The following N4BP1 variants were observed in gnomAD, a reference collection of about 807,000 sequenced individuals.
The protein encoded by N4BP1 is NEDD4 binding protein 1, also known as NEDD4-binding protein 1.
In N4BP1, 21 loss-of-function variants were observed where a neutral mutation model predicts 70.9. The ratio of observed to expected loss-of-function variants is 0.30; its 90% confidence interval spans 0.21 to 0.43. The LOEUF is 0.43. Ranked by LOEUF, N4BP1 falls within the 20% of genes least tolerant of loss-of-function variation. The pLI is 1.00. For synonymous variants in N4BP1, 387 were observed against 394.6 expected (o/e 0.98, Z 0.23); for missense variants, 936 against 1,069.4 (o/e 0.88, Z 1.74).
At chr16:48,594,001 C>CAAAAAAAAAAAAAAAAAAA (rs750355255) in intron 1 of N4BP1, among the ~76,000 whole-genome samples, 6 of 42,526 alleles carry the variant, frequency 1.4e-4, no homozygotes, top group African/African-American at 5.3e-4. Context: ...GACTCCGTCT[C>CAAAAAAAAAAAAAAAAAAA]AAAAAAAAAA....
chr16:48,576,671 C>T (rs1023045405), intron 1 of N4BP1, among the ~76,000 whole-genome samples: 1 of 152,058 alleles, frequency 6.6e-6, no homozygotes, highest in Non-Finnish European at 1.5e-5. Context: ...ATCCCTTTGA[C>T]TTCTCCTCCA....
chr16:48,572,725 G>C (rs1964036582), intron 1 of N4BP1, among the ~76,000 whole-genome samples: 1 of 152,176 alleles, frequency 6.6e-6, no homozygotes, highest in Non-Finnish European at 1.5e-5. Flanking sequence ...GAGGATTTTA[G>C]AGTTGTTCTC....
rs565771881 is a variant in N4BP1 at position 48,539,625 on chromosome 16, G to A, written c.*3279C>T. On this transcript the variant is annotated 3_prime_UTR_variant, in exon 7 of 7. Transcript: ENST00000262384. ...GAATGCGCTCATTTGCAGATTCCCGGGCCTTCCTCCAGAACTACTGGGCAA... is the reference window on the plus strand; with the variant it reads ...GAATGCGCTCATTTGCAGATTCCCGAGCCTTCCTCCAGAACTACTGGGCAA... 1 of 152,366 alleles carries A rather than the reference G, an allele frequency of 6.6e-6. No homozygotes were observed. Among genetic ancestry groups the A allele is most frequent in the East Asian group, 1.9e-4 (1 of 5,184 alleles). 9.4% of individuals were successfully genotyped at this position (152,366 alleles called of 1,614,324 possible). A position where few individuals can be genotyped will look rare whatever the true frequency, so the allele number is the denominator to read the frequency against.
intron 1 of N4BP1, among the ~76,000 whole-genome samples, chr16:48,573,282 C>T (rs1964048703): frequency 6.6e-6 from 1 of 151,812 alleles, no homozygotes; most frequent in Admixed American, 6.6e-5. Context: ...GTGAATAATG[C>T]CTACAATTGA....
chr16:48,583,450 T>C (rs1964201263), intron 1 of N4BP1, among the ~76,000 whole-genome samples: 1 of 152,114 alleles, frequency 6.6e-6, no homozygotes, highest in South Asian at 2.1e-4. Context: ...AGATTACAGT[T>C]AGATAGGAGG....
At chr16:48,547,002 A>G (rs1963600212) in intron 5 of N4BP1, among the ~76,000 whole-genome samples, 1 of 152,230 alleles carries the variant, frequency 6.6e-6, no homozygotes. Flanking sequence ...TCAAAGACCA[A>G]TTCTTGGTTC....
chr16:48,609,657 G>T, intron 1 of N4BP1, 118 bp downstream of exon 1: 1 of 910,722 alleles, frequency 1.1e-6, no homozygotes, highest in Non-Finnish European at 1.4e-6. Flanking sequence ...GCTGGCTCCC[G>T]AGACTGCGTT....
intron 6 of N4BP1, 27 bp downstream of exon 6, chr16:48,546,120 T>C (rs1456066030): frequency 6.8e-7 from 1 of 1,473,512 alleles, no homozygotes; most frequent in Non-Finnish European, 9.5e-7. Flanking sequence ...GAAGTTTTAA[T>C]ACAAGACAAT....
At position 48,545,576 on chromosome 16, in the gene N4BP1, CTCAAAAAAAATAAA is replaced by C. The variant is rs556661568; in HGVS notation, c.2333+557_2333+570del. Reference sequence around the variant, plus strand: ...CTGGGCAACAAGAGTGAAATTCCATCTCAAAAAAAATAAATCAATAAAAATAAACCCACAAAAAA... The same window carrying C: ...CTGGGCAACAAGAGTGAAATTCCATCTCAATAAAAATAAACCCACAAAAAA... On this transcript the variant is annotated intron_variant, in intron 6 of 6. Transcript: ENST00000262384. Among the ~76,000 whole-genome samples the C allele has an allele frequency of 1.5e-3, 227 of 151,566 alleles. 1 individual carries two copies. The highest frequency in any genetic ancestry group is 2.5e-3 in the Non-Finnish European group (169 of 67,878).
chr16:48,552,390 G>C (rs924342376), intron 3 of N4BP1, among the ~76,000 whole-genome samples: 3 of 151,930 alleles, frequency 2.0e-5, no homozygotes, highest in African/African-American at 4.8e-5. Flanking sequence ...AAGCAATGCA[G>C]AGCACATAAG....
intron 1 of N4BP1, chr16:48,577,679 C>T: frequency 4.6e-6 from 1 of 215,388 alleles, no homozygotes; most frequent in Non-Finnish European, 9.7e-6. Flanking sequence ...TTGGAGATGG[C>T]ATCAAAGGTG....
intron 6 of N4BP1, among the ~76,000 whole-genome samples, chr16:48,545,729 T>TA (rs928354094): frequency 2.9e-5 from 4 of 136,742 alleles, no homozygotes; most frequent in Non-Finnish European, 3.2e-5. Flanking sequence ...ATTTAAGGCT[T>TA]AAAAAAAAAA....
In N4BP1 at chr16:48,609,900, C is replaced by T. The variant is rs1964656149; in HGVS notation, c.73G>A (p.Gly25Ser). Residue 25 changes from glycine to serine, a missense_variant, in exon 1 of 7, where the codon GGC becomes AGC. Around this residue, in one of 4 missense-constraint regions of N4BP1, gnomAD observed 187 missense variants for 217.1 expected, o/e 0.86. Transcript: ENST00000262384. ...EKAELLEQSR[G>S]RIEGLFGVSL... ...ACGCCAAACAGGCCCTCGATACGGC[C>T]GCGGCTCTGCTCCAGCAGCTCCGCC... 1.4e-6 allele frequency: 2 copies of T among 1,472,924 alleles called. No individual in the cohort carries two copies. Among genetic ancestry groups the T allele is most frequent in the African/African-American group, 1.5e-5 (1 of 68,586 alleles). The allele number at this position is 1,472,924 out of a possible 1,614,324, so 91.2% of individuals were successfully genotyped here.
chr16:48,599,422 C>A (rs1964465374), intron 1 of N4BP1, among the ~76,000 whole-genome samples: 1 of 152,198 alleles, frequency 6.6e-6, no homozygotes, highest in East Asian at 1.9e-4. Flanking sequence ...ATGTTAGAGT[C>A]CACATAAGCA....
At chr16:48,556,687 G>C (rs1963759486) in intron 2 of N4BP1, among the ~76,000 whole-genome samples, 1 of 152,202 alleles carries the variant, frequency 6.6e-6, no homozygotes, top group African/African-American at 2.4e-5. Flanking sequence ...GTGGAGGAGA[G>C]ATGGGTGACA....
At chr16:48,569,552 T>G (rs1331432226) in intron 1 of N4BP1, among the ~76,000 whole-genome samples, 2 of 152,116 alleles carry the variant, frequency 1.3e-5, no homozygotes, top group East Asian at 3.9e-4. Context: ...CCACCACGCC[T>G]GGCTAATTTT....
chr16:48,605,259 G>A (rs1476901928), intron 1 of N4BP1, among the ~76,000 whole-genome samples: 3 of 151,988 alleles, frequency 2.0e-5, no homozygotes, highest in Admixed American at 6.6e-5. Context: ...TCGAACTCCC[G>A]ACCTCAGGTG....
rs1964476119 is a variant in N4BP1, at chr16:48,600,297, C to A, written c.198+9478G>T. 57 of 1,129,588 alleles carry A rather than the reference C, an allele frequency of 5.0e-5. 1 individual carries two copies. The South Asian group carries it at 7.0e-4, about 14-fold the overall frequency. The allele number at this position is 1,129,588 out of a possible 1,614,324, so 70.0% of individuals were successfully genotyped here. On this transcript the variant is annotated intron_variant, in intron 1 of 6. Coordinates refer to ENST00000262384, the MANE Select transcript of N4BP1 (RefSeq NM_153029.4). The stretch of plus-strand genomic sequence containing the variant: ...TAAAAACTTTAAAAAGAAGCACAAT[C>A]CTTGCAAAGTTAGGTGGACCAAAGC...
chr16:48,546,102 T>G (rs1490824470), intron 6 of N4BP1, 45 bp downstream of exon 6: 2 of 1,289,082 alleles, frequency 1.6e-6, no homozygotes, highest in African/African-American at 3.0e-5. Context: ...GCACAAAGAA[T>G]TGAAATAGAA....
Sources: gnomAD v4.1 joint callset for allele counts (sites outside exome capture counted in the v4.1 genomes callset) on GRCh38, gnomAD v4.1.1 for gene constraint, gnomAD v4.1.1 regional missense constraint, MANE v1.5 for transcripts, NCBI Gene and HGNC (gene_info 2026-07-23, HGNC 2026-07-21) for gene names.